Variants in CTR9 observed in about 807,000 individuals in gnomAD.
CTR9 encodes the protein CTR9 component of Paf1/RNA polymerase II complex.
CTR9 carries 41 observed loss-of-function variants against 152.1 expected under a neutral mutation model. The ratio of observed to expected loss-of-function variants is 0.27; its 90% confidence interval spans 0.21 to 0.35. The LOEUF is 0.35. CTR9 is among the 10% of genes least tolerant of loss of function. The pLI, the probability that CTR9 is intolerant of heterozygous loss-of-function variation, is 1.00. For missense variants in CTR9, 917 were observed against 1,424.4 expected (o/e 0.64, Z 5.73); for synonymous variants, 476 against 496.2 (o/e 0.96, Z 0.54).
intron 9 of CTR9, 56 bp from the exon 10 acceptor site, chr11:10,764,056 T>A: frequency 6.4e-7 from 1 of 1,564,120 alleles, no homozygotes; most frequent in Non-Finnish European, 8.8e-7. Flanking sequence ...CCCCCACTTT[T>A]TATTTTGACA....
intron 6 of CTR9, 29 bp from the exon 7 acceptor site, chr11:10,761,918 C>T (rs375222908): frequency 4.2e-6 from 6 of 1,439,764 alleles, no homozygotes; most frequent in Non-Finnish European, 5.8e-6. Flanking sequence ...ATTGTTTTCA[C>T]TCCACCTTGT....
At chr11:10,762,355 A>C (rs924644217) in intron 7 of CTR9, among the ~76,000 whole-genome samples, 1 of 152,222 alleles carries the variant, frequency 6.6e-6, no homozygotes, top group Non-Finnish European at 1.5e-5. Flanking sequence ...CATGTAAACA[A>C]ATGTAAGTGT....
intron 18 of CTR9, 60 bp from the exon 19 acceptor site, chr11:10,771,485 G>C: frequency 8.0e-7 from 1 of 1,253,300 alleles, no homozygotes; most frequent in Non-Finnish European, 1.2e-6. Flanking sequence ...AATTTTTTAA[G>C]AGCTTTATTT....
chr11:10,766,433 T>C lies in CTR9; in HGVS notation c.1629T>C (p.Asp543=). 6.2e-7 allele frequency: 1 copy of C among 1,611,130 alleles called. No homozygotes were observed. The highest frequency in any genetic ancestry group is 8.5e-7 in the Non-Finnish European group (1 of 1,179,376). The stretch of plus-strand genomic sequence containing the variant: ...TGCGCCTAGGAGCCATGGCTAGAGA[T>C]AAGGGAAACTTTTATGAGGCTTCAG... The part of the protein sequence containing the change: ...CYLRLGAMAR[D]KGNFYEASDW... The change falls in exon 13 of 25, where the codon GAT becomes GAC. Residue 543 remains aspartate, a synonymous_variant. Transcript: ENST00000361367.
Position 10,761,996 on chromosome 11 carries a change from T to C in CTR9, c.791T>C (p.Ile264Thr). The change falls in exon 7 of 25, where the codon ATT becomes ACT. Residue 264 changes from isoleucine to threonine, a missense_variant. Physicochemically the swap from Ile to Thr is moderately conservative, Grantham distance 89. Around this residue, in one of 9 missense-constraint regions of CTR9, gnomAD observed 110 missense variants for 149.5 expected, o/e 0.74. Transcript: ENST00000361367. The stretch of plus-strand genomic sequence containing the variant: ...CAGCTTCTTTCCAGAGCCTATACTA[T>C]TGATCCTAGCAACCCTATGGTATTG... ...GVQLLSRAYT[I>T]DPSNPMVLNH... is the part of the protein sequence containing the mutation. 6.2e-7 allele frequency: 1 copy of C among 1,611,866 alleles called. No homozygotes were observed.
intron 2 of CTR9, 112 bp downstream of exon 2, chr11:10,752,882 T>A (rs1000085934): frequency 3.8e-6 from 3 of 789,768 alleles, no homozygotes; most frequent in Non-Finnish European, 6.4e-6. Flanking sequence ...AGTTATACCA[T>A]GTGTATGGAA....
At chr11:10,771,120 A>G (rs1863136817) in intron 18 of CTR9, among the ~76,000 whole-genome samples, 1 of 152,242 alleles carries the variant, frequency 6.6e-6, no homozygotes, top group South Asian at 2.1e-4. Context: ...TTATTTAGCC[A>G]TATAGTATTT....
intron 5 of CTR9, 117 bp downstream of exon 5, chr11:10,756,955 G>C: frequency 1.3e-6 from 1 of 797,450 alleles, no homozygotes; most frequent in Non-Finnish European, 2.1e-6. Context: ...AGAAATGTCA[G>C]AATCAAGTTT....
rs771750680 is a variant in CTR9, at chr11:10,767,767, A to T, written c.1687-39A>T. 5 of 1,585,122 alleles carry T rather than the reference A, an allele frequency of 3.2e-6. No individual in the cohort carries two copies. In the South Asian group the frequency reaches 5.5e-5, roughly 18 times the overall value. On this transcript the variant is annotated intron_variant, in intron 13 of 24. Transcript: ENST00000361367. The surrounding 1 kb of genome is among the most constrained non-coding windows in gnomAD (Gnocchi z 4.0). ...GAAGATGATTGATCTCTGTCAAACT[A>T]AACTGCAGATTTTCCTTCTTCATGT...
rs778456303 is a variant in CTR9 at position 10,778,858 on chromosome 11, G to T, written c.3275G>T (p.Arg1092Ile). 6.2e-7 allele frequency: 1 copy of T among 1,614,106 alleles called. No individual in the cohort carries two copies. The highest frequency in any genetic ancestry group is 1.1e-5 in the South Asian group (1 of 91,086). The change falls in exon 25 of 25, where the codon AGA becomes ATA. Residue 1092 changes from arginine to isoleucine, a missense_variant. Transcript: ENST00000361367. ...GACTCAGACAGTGACCAGCCATCCAGAAAGAGAAGGCCCTCCGGTTCTGAG... is the reference window on the plus strand; with the variant it reads ...GACTCAGACAGTGACCAGCCATCCATAAAGAGAAGGCCCTCCGGTTCTGAG... ...DQDSDSDQPS[R>I]KRRPSGSEQS... is the part of the protein sequence containing the mutation.
At position 10,760,333 on chromosome 11, in the gene CTR9, A is replaced by G. The variant is rs1862956823; in HGVS notation, c.741+12A>G. ...TCAACAATAAAGAGGTATGTAAATG[A>G]AAAAAGTATCTAGCTCCTAACTGCT... On this transcript the variant is annotated intron_variant, in intron 6 of 24. Coordinates refer to ENST00000361367, the MANE Select transcript of CTR9 (RefSeq NM_014633.5). The G allele has an allele frequency of 6.2e-7, 1 of 1,607,356 alleles. No individual in the cohort carries two copies. Among genetic ancestry groups the G allele is most frequent in the African/African-American group, 1.3e-5 (1 of 74,844 alleles).
Position 10,769,194 on chromosome 11 carries a change from C to T in CTR9, c.2109+703C>T, listed in dbSNP as rs1213190209. ...CCAAGATCCTGCCACTGCACTCTAG[C>T]CTGGGCGACAAAGCCAGACTCTGTC... On this transcript the variant is annotated intron_variant, in intron 16 of 24. Transcript: ENST00000361367. 3.9e-5 allele frequency among the ~76,000 whole-genome samples: 6 copies of T among 152,082 alleles called. No homozygotes were observed. In the East Asian group the frequency reaches 1.2e-3, roughly 29 times the overall value.
At position 10,751,366 on chromosome 11, in the gene CTR9, G is replaced by C. The variant is rs564159275; in HGVS notation, c.-47G>C. On this transcript the variant is annotated 5_prime_UTR_variant, in exon 1 of 25. Coordinates refer to ENST00000361367, the MANE Select transcript of CTR9 (RefSeq NM_014633.5). ...GATTAGCCTGAAGCGGAGACTACCG[G>C]CTGCGGAGCGGCGGGGCGAGACACT... The C allele has an allele frequency of 6.2e-7, 1 of 1,607,536 alleles. No individual in the cohort carries two copies. Among genetic ancestry groups the C allele is most frequent in the Non-Finnish European group, 8.5e-7 (1 of 1,175,670 alleles).
chr11:10,768,315 T>G, intron 15 of CTR9, 28 bp from the exon 16 acceptor site: 1 of 1,597,098 alleles, frequency 6.3e-7, no homozygotes, highest in Admixed American at 1.8e-5. Flanking sequence ...TAGAAAATTG[T>G]TAAGTGTGAA....
chr11:10,760,384 A>G, intron 6 of CTR9, 63 bp downstream of exon 6: 1 of 1,487,050 alleles, frequency 6.7e-7, no homozygotes, highest in South Asian at 1.2e-5. Flanking sequence ...CCTCTTATCT[A>G]AAACTCTTGG....
rs746306809 is a variant in CTR9, at chr11:10,763,848, C to T, written c.1163C>T (p.Ser388Leu). The T allele has an allele frequency of 2.5e-6, 4 of 1,608,962 alleles. No individual in the cohort carries two copies. The highest frequency in any genetic ancestry group is 3.4e-6 in the Non-Finnish European group (4 of 1,178,760). ...MKILGSLYAA[S>L]EDQEKRDIAK... ...ATTCTCGGCTCTCTCTATGCTGCCT[C>T]AGAAGATCAAGAAAAACGAGATATT... The change falls in exon 9 of 25, where the codon TCA becomes TTA. Residue 388 changes from serine to leucine, a missense_variant. Coordinates refer to ENST00000361367, the MANE Select transcript of CTR9 (RefSeq NM_014633.5).
intron 6 of CTR9, 102 bp downstream of exon 6, chr11:10,760,423 A>G (rs2135363279): frequency 8.9e-7 from 1 of 1,122,360 alleles, no homozygotes; most frequent in Non-Finnish European, 1.3e-6. Flanking sequence ...AATTAAGATT[A>G]CAGATTACAG....
At chr11:10,753,201 A>G (rs1564964051) in intron 2 of CTR9, among the ~76,000 whole-genome samples, 1 of 152,202 alleles carries the variant, frequency 6.6e-6, no homozygotes, top group African/African-American at 2.4e-5. Flanking sequence ...CAAAATCACA[A>G]AAGTTCTTTT....
Position 10,768,265 on chromosome 11 carries a change from G to T in CTR9, c.1961-78G>T, listed in dbSNP as rs976543569. 7 of 1,572,268 alleles carry T rather than the reference G, an allele frequency of 4.5e-6. No individual in the cohort carries two copies. The African/African-American group carries it at 9.6e-5, about 22-fold the overall frequency. On this transcript the variant is annotated intron_variant, in intron 15 of 24. Transcript: ENST00000361367. ...TTCTTAAAATGTGATCAATGTAGTTGTTTTAAAATAGAATTTTTAGTTGTT... is the reference window on the plus strand; with the variant it reads ...TTCTTAAAATGTGATCAATGTAGTTTTTTTAAAATAGAATTTTTAGTTGTT...
Sources: gnomAD v4.1 joint callset for allele counts (sites outside exome capture counted in the v4.1 genomes callset) on GRCh38, gnomAD v4.1.1 for gene constraint, gnomAD v4.1.1 regional missense constraint, Gnocchi (gnomAD v3.1) non-coding constraint, MANE v1.5 for transcripts, NCBI Gene and HGNC (gene_info 2026-07-23, HGNC 2026-07-21) for gene names.